Variants in PCK1 observed in about 807,000 individuals in gnomAD.
The protein encoded by PCK1 is phosphoenolpyruvate carboxykinase 1.
In PCK1, 44 loss-of-function variants were observed where a neutral mutation model predicts 50.3. The observed-to-expected ratio is 0.87, with a 90% CI of 0.69 to 1.12. The LOEUF is 1.12. Among genes scored for constraint, PCK1 ranks in the 50% most tolerant of loss-of-function variants. The probability of loss-of-function intolerance (pLI) is 0.00; values close to 1 mark genes in which losing one functional copy is unlikely to be tolerated. For synonymous variants in PCK1, 332 were observed against 314.3 expected (o/e 1.06, Z -0.59); for missense variants, 790 against 815.0 (o/e 0.97, Z 0.37).
At chr20:57,564,683 T>G in intron 8 of PCK1, 70 bp downstream of exon 8, 12 of 1,364,166 alleles carry the variant, frequency 8.8e-6, no homozygotes, top group Non-Finnish European at 1.1e-5. Flanking sequence ...GTGAAATCTC[T>G]CCTTTTCCAT....
rs776943310 is a variant in PCK1 at position 57,562,752 on chromosome 20, A to G, written c.463A>G (p.Lys155Glu). The change falls in exon 4 of 10, where the codon AAG becomes GAG. Residue 155 changes from lysine to glutamate, a missense_variant. Lys to Glu is a moderately conservative substitution (Grantham distance 56, BLOSUM62 1). Transcript: ENST00000319441. Reference protein sequence around the residue: ...SMGPLGSPLSKIGIELTDSPY... With the variant: ...SMGPLGSPLSEIGIELTDSPY... ...GGGGCCGCTGGGCTCGCCTCTGTCA[A>G]AGATCGGCATCGAGCTGACGGATTC... The G allele has an allele frequency of 4.8e-5, 77 of 1,614,048 alleles. 4 individuals carry two copies. In the South Asian group the frequency reaches 8.3e-4, roughly 17 times the overall value.
At chr20:57,561,314 T>C in intron 1 of PCK1, 58 bp from the exon 2 acceptor site, 1 of 739,588 alleles carries the variant, frequency 1.4e-6, no homozygotes, top group Non-Finnish European at 2.3e-6. Context: ...GGCCGTCGAA[T>C]GTGTTTGAAG....
rs767751310 is a variant in PCK1 at position 57,562,171 on chromosome 20, G to A, written c.325G>A (p.Gly109Ser). 3 of 1,614,158 alleles carry A rather than the reference G, an allele frequency of 1.9e-6. No homozygotes were observed. Among genetic ancestry groups the A allele is most frequent in the Middle Eastern group, 1.6e-4 (1 of 6,062 alleles). Residue 109 changes from glycine to serine, a missense_variant, in exon 3 of 10, where the codon GGC becomes AGC. Gly to Ser is a moderately conservative substitution (Grantham distance 56). Transcript: ENST00000319441. Reference sequence around the variant, plus strand: ...AGACACAGTGCCCATCCCCAAAACAGGCCTCAGCCAGCTCGGTCGCTGGAT... The same window carrying A: ...AGACACAGTGCCCATCCCCAAAACAAGCCTCAGCCAGCTCGGTCGCTGGAT... The part of the protein sequence containing the change: ...QRDTVPIPKT[G>S]LSQLGRWMSE...
In PCK1 at chr20:57,565,888, C is replaced by A; in HGVS notation, c.*84C>A. On this transcript the variant is annotated 3_prime_UTR_variant, in exon 10 of 10. Transcript: ENST00000319441. The stretch of plus-strand genomic sequence containing the variant: ...AGGAGCAAGAGAGGGCAAGTGTTCC[C>A]AAATTGACGCCACCATAATAATCAT... 1.1e-6 allele frequency: 1 copy of A among 950,734 alleles called. No homozygotes were observed. The highest frequency in any genetic ancestry group is 1.5e-6 in the Non-Finnish European group (1 of 645,692). The allele number at this position is 950,734 out of a possible 1,614,324, so 58.9% of individuals were successfully genotyped here.
chr20:57,566,026 CA>C lies in PCK1; in HGVS notation c.*227del. Reference sequence around the variant, plus strand: ...GAGAAGGGAAATCTTAGCATGCCTCCAAAAATTCACATCCAATGCATAGTTT... The same window carrying C: ...GAGAAGGGAAATCTTAGCATGCCTCCAAAATTCACATCCAATGCATAGTTT... On this transcript the variant is annotated 3_prime_UTR_variant, in exon 10 of 10. Coordinates refer to ENST00000319441, the MANE Select transcript of PCK1 (RefSeq NM_002591.4). The C allele has an allele frequency of 2.0e-6, 1 of 492,058 alleles. No individual in the cohort carries two copies. Among genetic ancestry groups the C allele is most frequent in the Non-Finnish European group, 3.6e-6 (1 of 280,100 alleles). 30.5% of individuals were successfully genotyped at this position (492,058 alleles called of 1,614,324 possible).
chr20:57,565,069 T>C lies in PCK1; in HGVS notation c.1348T>C (p.Trp450Arg). Residue 450 changes from tryptophan (W) to arginine (R), a missense_variant, in exon 9 of 10, where the codon TGG becomes CGG. By Grantham distance (101) the Trp-to-Arg change is moderately radical. Transcript: ENST00000319441. ...CCCTCTAGTCTATGAAGCTCTCAGC[T>C]GGCAACATGGAGTCTTTGTGGGGGC... ...GVPLVYEALS[W>R]QHGVFVGAAM... The C allele has an allele frequency of 1.2e-6, 2 of 1,613,956 alleles. No homozygotes were observed. Among genetic ancestry groups the C allele is most frequent in the Non-Finnish European group, 1.7e-6 (2 of 1,179,894 alleles).
At chr20:57,563,327 G>A (rs1600707325) in intron 5 of PCK1, 112 bp downstream of exon 5, 15 of 990,670 alleles carry the variant, frequency 1.5e-5, no homozygotes, top group African/African-American at 4.8e-5. Context: ...GCAGGTTCCC[G>A]GACAGATCGG....
At chr20:57,564,946 C>A (rs2070188799) in intron 8 of PCK1, 94 bp from the exon 9 acceptor site, 3 of 895,790 alleles carry the variant, frequency 3.3e-6, no homozygotes, top group African/African-American at 1.7e-5. Flanking sequence ...TATTGTCTTG[C>A]CGTGTCTTTC....
rs778493492 is a variant in PCK1 at position 57,562,764 on chromosome 20, G to T, written c.475G>T (p.Glu159Ter). ...LGSPLSKIGI[E>*]LTDSPYVVAS... ...CTCGCCTCTGTCAAAGATCGGCATCGAGCTGACGGATTCACCCTACGTGGT... is the reference window on the plus strand; with the variant it reads ...CTCGCCTCTGTCAAAGATCGGCATCTAGCTGACGGATTCACCCTACGTGGT... The change falls in exon 4 of 10, where the codon GAG becomes TAG. Residue 159 changes from glutamate to a stop codon, truncating the protein, a stop_gained. Transcript: ENST00000319441. LOFTEE classifies it high-confidence loss of function. The T allele has an allele frequency of 6.2e-7, 1 of 1,613,958 alleles. No homozygotes were observed. The highest frequency in any genetic ancestry group is 8.5e-7 in the Non-Finnish European group (1 of 1,179,958).
chr20:57,563,072 A>G lies in PCK1; in HGVS notation c.655A>G (p.Ile219Val). The change falls in exon 5 of 10, where the codon ATC (isoleucine) becomes GTC (valine). Residue 219 changes from isoleucine (I) to valine (V), a missense_variant. Coordinates refer to ENST00000319441, the MANE Select transcript of PCK1 (RefSeq NM_002591.4). ...GCCCTGCAACCCGGAGCTGACGCTC[A>G]TCGCCCACCTGCCTGACCGCAGAGA... ...NWPCNPELTL[I>V]AHLPDRREII... 6.2e-7 allele frequency: 1 copy of G among 1,614,106 alleles called. No homozygotes were observed. Among genetic ancestry groups the G allele is most frequent in the Non-Finnish European group, 8.5e-7 (1 of 1,180,008 alleles).
Position 57,562,737 on chromosome 20 carries a change from G to A in PCK1, c.448G>A (p.Gly150Ser). Residue 150 changes from glycine (G) to serine (S), a missense_variant, in exon 4 of 10, where the codon GGC becomes AGC. Coordinates refer to ENST00000319441, the MANE Select transcript of PCK1 (RefSeq NM_002591.4). ...YVIPFSMGPL[G>S]SPLSKIGIEL... ...CATCCCATTCAGCATGGGGCCGCTG[G>A]GCTCGCCTCTGTCAAAGATCGGCAT... 2 of 1,614,008 alleles carry A rather than the reference G, an allele frequency of 1.2e-6. No individual in the cohort carries two copies. The highest frequency in any genetic ancestry group is 4.5e-5 in the East Asian group (2 of 44,884).
At chr20:57,564,666 G>C (rs2070186633) in intron 8 of PCK1, 53 bp downstream of exon 8, 1 of 1,483,654 alleles carries the variant, frequency 6.7e-7, no homozygotes, top group East Asian at 2.3e-5. Context: ...GGTACCGAAG[G>C]GCATCTGTGA....
In PCK1 at chr20:57,563,158, T is replaced by A. The variant is rs751848638; in HGVS notation, c.741T>A (p.Ala247=). 3.1e-6 allele frequency: 5 copies of A among 1,613,794 alleles called. No individual in the cohort carries two copies. The South Asian group carries it at 5.5e-5, about 18-fold the overall frequency. ...GNSLLGKKCF[A]LRMASRLAKE... ...CGCTGCTCGGGAAGAAGTGCTTTGC[T>A]CTCAGGATGGCCAGCCGGCTGGCCA... The change falls in exon 5 of 10, where the codon GCT becomes GCA. Residue 247 remains alanine (A), a synonymous_variant. Transcript: ENST00000319441.
chr20:57,565,657 G>C lies in PCK1; in HGVS notation c.1722G>C (p.Met574Ile). The C allele has an allele frequency of 6.2e-7, 1 of 1,614,130 alleles. No individual in the cohort carries two copies. The highest frequency in any genetic ancestry group is 8.5e-7 in the Non-Finnish European group (1 of 1,180,028). The change falls in exon 10 of 10, where the codon ATG becomes ATC. Residue 574 changes from methionine (M) to isoleucine (I), a missense_variant. Coordinates refer to ENST00000319441, the MANE Select transcript of PCK1 (RefSeq NM_002591.4). ...LNLKGLGHIN[M>I]MELFSISKEF... ...TGAAAGGCCTGGGGCACATCAACAT[G>C]ATGGAGCTTTTCAGCATCTCCAAGG...
intron 1 of PCK1, 30 bp from the exon 2 acceptor site, chr20:57,561,342 T>C: frequency 2.0e-6 from 2 of 983,618 alleles, no homozygotes; most frequent in Non-Finnish European, 3.1e-6. Context: ...TTGTTGTTTT[T>C]GTTCAGGACG....
In PCK1 at chr20:57,566,163, G is replaced by A. The variant is rs3211338; in HGVS notation, c.*359G>A. 241 of 14,732 alleles carry A rather than the reference G, an allele frequency of 0.016. 3 individuals carry two copies. Among genetic ancestry groups the A allele is most frequent in the Middle Eastern group, 0.14 (6 of 42 alleles). 0.9% of individuals were successfully genotyped at this position (14,732 alleles called of 1,614,324 possible). On this transcript the variant is annotated 3_prime_UTR_variant, in exon 10 of 10. Coordinates refer to ENST00000319441, the MANE Select transcript of PCK1 (RefSeq NM_002591.4). ...AAATACTTGAGCTGTATATATATAT[G>A]TGTGTGTGTGTGTGTGTGTGTGTGT... is the stretch of plus-strand genomic sequence containing the variant.
intron 3 of PCK1, 52 bp from the exon 4 acceptor site, chr20:57,562,644 G>A (rs1382297157): frequency 2.0e-6 from 3 of 1,494,936 alleles, no homozygotes; most frequent in Non-Finnish European, 2.8e-6. Flanking sequence ...TGCTGGTCGT[G>A]TTCGAAGTCC....
rs986311807 is a variant in PCK1, at chr20:57,561,441, C to T, written c.30C>T (p.Asn10=). The T allele has an allele frequency of 1.2e-6, 2 of 1,613,392 alleles. No individual in the cohort carries two copies. Among genetic ancestry groups the T allele is most frequent in the Non-Finnish European group, 1.7e-6 (2 of 1,179,904 alleles). Residue 10 remains asparagine, a synonymous_variant, in exon 2 of 10, where the codon AAC becomes AAT. Coordinates refer to ENST00000319441, the MANE Select transcript of PCK1 (RefSeq NM_002591.4). The part of the protein sequence containing the change: MPPQLQNGL[N]LSAKVVQGSL... ...CTCCTCAGCTGCAAAACGGCCTGAA[C>T]CTCTCGGCCAAAGTTGTCCAGGGAA...
In PCK1 at chr20:57,562,696, G is replaced by A; in HGVS notation, c.407G>A (p.Gly136Asp). ...AGTGCCCACCCATCGCACCCTGTAG[G>A]TCGCACCATGTACGTCATCCCATTC... The part of the protein sequence containing the change: ...FNARFPGCMK[G>D]RTMYVIPFSM... Residue 136 changes from glycine to aspartate, a missense_variant and splice_region_variant, in exon 4 of 10, where the codon GGT (glycine) becomes GAT (aspartate). Coordinates refer to ENST00000319441, the MANE Select transcript of PCK1 (RefSeq NM_002591.4). 6.2e-7 allele frequency: 1 copy of A among 1,613,368 alleles called. No homozygotes were observed. Among genetic ancestry groups the A allele is most frequent in the Non-Finnish European group, 8.5e-7 (1 of 1,179,598 alleles).
Sources: gnomAD v4.1 joint callset for allele counts on GRCh38, gnomAD v4.1.1 for gene constraint, MANE v1.5 for transcripts, NCBI Gene and HGNC (gene_info 2026-07-23, HGNC 2026-07-21) for gene names.